Variants in SPIRE2 observed in about 807,000 individuals in gnomAD.
SPIRE2 encodes spire type actin nucleation factor 2.
Under a neutral mutation model 80.7 loss-of-function variants are expected in SPIRE2, and 76 were observed. The ratio of observed to expected loss-of-function variants is 0.94; its 90% CI spans 0.78 to 1.14. The LOEUF is 1.14. SPIRE2 is among the 50% of genes most tolerant of loss of function. The pLI is 0.00. For synonymous variants in SPIRE2, 535 were observed against 432.6 expected (o/e 1.24, Z -2.94); for missense variants, 1,196 against 1,015.3 (o/e 1.18, Z -2.42).
intron 2 of SPIRE2, chr16:89,845,747 A>G: frequency 1.6e-6 from 1 of 606,160 alleles, no homozygotes. Flanking sequence ...GTGCCCCGAA[A>G]CCCCACCCGA....
chr16:89,834,059 T>C (rs1451967841), intron 1 of SPIRE2, among the ~76,000 whole-genome samples: 1 of 152,094 alleles, frequency 6.6e-6, no homozygotes, highest in Non-Finnish European at 1.5e-5. Flanking sequence ...GACTCTTCTC[T>C]TTACGGAGAC....
Position 89,863,392 on chromosome 16 carries a change from G to A in SPIRE2, c.1576-84G>A. 1 of 1,513,302 alleles carries A rather than the reference G, an allele frequency of 6.6e-7. No homozygotes were observed. The allele number at this position is 1,513,302 out of a possible 1,614,324, so 93.7% of individuals were successfully genotyped here. Reference sequence around the variant, plus strand: ...CGCAGGCTTGTTTAGGCTGAGGCCAGGGAGGGTTAGGGTCCTCAGGGAAGG... The same window carrying A: ...CGCAGGCTTGTTTAGGCTGAGGCCAAGGAGGGTTAGGGTCCTCAGGGAAGG... On this transcript the variant is annotated intron_variant, in intron 10 of 14. Coordinates refer to ENST00000378247, the MANE Select transcript of SPIRE2 (RefSeq NM_032451.2). The surrounding 1 kb of genome is among the most constrained non-coding windows in gnomAD (Gnocchi z 4.3).
intron 1 of SPIRE2, among the ~76,000 whole-genome samples, chr16:89,837,019 C>T (rs1303856794): frequency 1.3e-5 from 2 of 152,036 alleles, no homozygotes; most frequent in Admixed American, 6.6e-5. Flanking sequence ...TCCTGCACCC[C>T]AGATTCCTGT....
intron 3 of SPIRE2, among the ~76,000 whole-genome samples, chr16:89,852,984 G>A (rs1025998911): frequency 2.2e-5 from 3 of 133,344 alleles, no homozygotes; most frequent in Admixed American, 7.8e-5. Flanking sequence ...GGATCCCATG[G>A]CCCGTCTTCC....
chr16:89,835,194 C>G (rs1379650075), intron 1 of SPIRE2, among the ~76,000 whole-genome samples: 1 of 144,120 alleles, frequency 6.9e-6, no homozygotes, highest in African/African-American at 3.0e-5. Flanking sequence ...CCGTGTGAAT[C>G]TGTGAACCTG....
At chr16:89,845,534 A>T in intron 2 of SPIRE2, 169 bp downstream of exon 2, 1 of 749,200 alleles carries the variant, frequency 1.3e-6, no homozygotes, top group East Asian at 2.7e-5. Flanking sequence ...CGCTGTTCAC[A>T]GAGAGCAGAC....
chr16:89,854,685 T>C, intron 5 of SPIRE2, 34 bp downstream of exon 5: 1 of 1,598,750 alleles, frequency 6.3e-7, no homozygotes, highest in Non-Finnish European at 8.5e-7. Context: ...GCAGCCTGGA[T>C]GCAGAGGTCG....
chr16:89,850,391 G>C lies in SPIRE2; in HGVS notation c.376G>C (p.Glu126Gln). ...SEERELSPQL[E>Q]RLIDLMANND... is the part of the protein sequence containing the mutation. ...GGAGCGCGAACTCAGCCCTCAGCTG[G>C]AGCGGCTCATCGACCTCATGGCCAA... The change falls in exon 3 of 15, where the codon GAG becomes CAG. Residue 126 changes from glutamate to glutamine, a missense_variant. Transcript: ENST00000378247. 6.3e-7 allele frequency: 1 copy of C among 1,598,190 alleles called. No individual in the cohort carries two copies. The highest frequency in any genetic ancestry group is 8.5e-7 in the Non-Finnish European group (1 of 1,174,052).
At chr16:89,841,434 G>A (rs2041504472) in intron 1 of SPIRE2, among the ~76,000 whole-genome samples, 3 of 152,078 alleles carry the variant, frequency 2.0e-5, no homozygotes, top group Admixed American at 2.0e-4. Context: ...ACCCCATGTG[G>A]CCACGTTGGT....
intron 13 of SPIRE2, 69 bp downstream of exon 13, chr16:89,868,285 T>A: frequency 4.7e-6 from 7 of 1,494,992 alleles, no homozygotes; most frequent in Non-Finnish European, 6.5e-6. Context: ...TTTGATTGGA[T>A]GTGTTGGATG....
intron 2 of SPIRE2, among the ~76,000 whole-genome samples, chr16:89,848,739 C>T (rs918997271): frequency 6.7e-6 from 1 of 148,638 alleles, no homozygotes; most frequent in Non-Finnish European, 1.5e-5. Flanking sequence ...GGTTCCAGGG[C>T]CTTCTGTGGT....
chr16:89,869,379 G>T (rs904282961), intron 13 of SPIRE2, among the ~76,000 whole-genome samples, 188 bp from the exon 14 acceptor site: 5 of 152,010 alleles, frequency 3.3e-5, no homozygotes, highest in African/African-American at 1.2e-4. Context: ...CAGCAAGCAG[G>T]AACCCCGTGC....
intron 7 of SPIRE2, among the ~76,000 whole-genome samples, chr16:89,858,107 G>T (rs966123841): frequency 6.7e-6 from 1 of 149,506 alleles, no homozygotes; most frequent in Non-Finnish European, 1.5e-5. Context: ...GGATGGTCTC[G>T]ATCTCCTGAC....
intron 10 of SPIRE2, among the ~76,000 whole-genome samples, chr16:89,861,641 TG>T (rs1020646973): frequency 7.3e-4 from 111 of 152,326 alleles, no homozygotes; most frequent in African/African-American, 2.5e-3. Context: ...ACTCCGGCAG[TG>T]TCTTAGCTGT....
chr16:89,850,561 C>T lies in SPIRE2; in HGVS notation c.546C>T (p.Pro182=), dbSNP rs1285198965. Residue 182 remains proline, a synonymous_variant, in exon 3 of 15, where the codon CCC becomes CCT. Transcript: ENST00000378247. ...TGTGCGCGGCGCGGCTGACCGACCC[C>T]CGGGGCGCACAGGCGCATTACCAGG... ...MRLCAARLTD[P]RGAQAHYQAV... 6 of 1,514,318 alleles carry T rather than the reference C, an allele frequency of 4.0e-6. No individual in the cohort carries two copies. The highest frequency in any genetic ancestry group is 2.5e-5 in the East Asian group (1 of 40,648). The allele number at this position is 1,514,318 out of a possible 1,614,324, so 93.8% of individuals were successfully genotyped here.
chr16:89,842,809 G>T (rs920751303), intron 1 of SPIRE2, among the ~76,000 whole-genome samples: 1 of 152,210 alleles, frequency 6.6e-6, no homozygotes, highest in African/African-American at 2.4e-5. Context: ...GGCCAGGACT[G>T]CCCAGGCCCT....
intron 2 of SPIRE2, among the ~76,000 whole-genome samples, chr16:89,848,929 T>G (rs1166423298): frequency 7.1e-6 from 1 of 140,678 alleles, no homozygotes; most frequent in Non-Finnish European, 1.6e-5. Context: ...CTGCAGTGTT[T>G]CTGCAGGACA....
intron 7 of SPIRE2, among the ~76,000 whole-genome samples, chr16:89,857,348 C>G (rs1310145257): frequency 6.6e-6 from 1 of 151,730 alleles, no homozygotes; most frequent in African/African-American, 2.4e-5. Context: ...GTTGCCCAGG[C>G]TGGTGTTGAA....
chr16:89,831,599 G>A (rs1285331311), intron 1 of SPIRE2, among the ~76,000 whole-genome samples: 12 of 150,168 alleles, frequency 8.0e-5, no homozygotes, highest in Non-Finnish European at 1.5e-4. Flanking sequence ...GGGTTTCACT[G>A]TGTTAGCCAG....
Sources: allele counts gnomAD v4.1 joint callset (sites outside exome capture counted in the v4.1 genomes callset), GRCh38; gene constraint gnomAD v4.1.1; non-coding constraint Gnocchi (gnomAD v3.1); transcripts MANE v1.5; gene names NCBI Gene and HGNC (gene_info 2026-07-23, HGNC 2026-07-21).